Variants in CBFA2T3 observed in about 807,000 individuals in gnomAD.
CBFA2T3 encodes the protein CBFA2/RUNX1 partner transcriptional co-repressor 3.
In CBFA2T3, 31 loss-of-function variants were observed where a neutral mutation model predicts 58.6. The observed-to-expected ratio is 0.53, with a 90% confidence interval of 0.40 to 0.71. The LOEUF (loss-of-function observed/expected upper bound fraction) is 0.71, where lower values mean the gene tolerates loss of function less well. CBFA2T3 is among the 30% of genes least tolerant of loss of function. CBFA2T3 has a pLI of 0.00. For synonymous variants in CBFA2T3, 531 were observed against 421.9 expected, an observed-to-expected ratio of 1.26 and a Z score of -3.17; for missense variants, 1,076 against 963.1, an observed-to-expected ratio of 1.12 and a Z score of -1.55.
Position 88,875,262 on chromosome 16 carries a change from C to T in CBFA2T3, c.*1714G>A, listed in dbSNP as rs532936194. 1.5e-4 allele frequency: 26 copies of T among 169,982 alleles called. No individual in the cohort carries two copies. Among genetic ancestry groups the T allele is most frequent in the South Asian group, 2.2e-4 (1 of 4,458 alleles). 10.5% of individuals were successfully genotyped at this position (169,982 alleles called of 1,614,324 possible). ...CGTGCCTGCTGTCTGTCCTTGTACT[C>T]GGTGCAAGCATGAATTTCTTTATCC... On this transcript the variant is annotated 3_prime_UTR_variant, in exon 12 of 12. Coordinates refer to ENST00000268679, the MANE Select transcript of CBFA2T3 (RefSeq NM_005187.6).
At chr16:88,924,684 C>T (rs1229099794) in intron 1 of CBFA2T3, among the ~76,000 whole-genome samples, 7 of 152,234 alleles carry the variant, frequency 4.6e-5, no homozygotes, top group East Asian at 1.9e-4. Context: ...AGGTCACTCT[C>T]GTCAGACAGC....
chr16:88,894,792 G>A (rs959159957), intron 3 of CBFA2T3, among the ~76,000 whole-genome samples: 4 of 152,266 alleles, frequency 2.6e-5, no homozygotes, highest in East Asian at 3.8e-4. Context: ...GGCCCCAGCC[G>A]TGTGTTCGCA....
At chr16:88,935,031 T>C (rs1452614326) in intron 1 of CBFA2T3, among the ~76,000 whole-genome samples, 2 of 152,064 alleles carry the variant, frequency 1.3e-5, no homozygotes, top group African/African-American at 2.4e-5. Context: ...TAAGCCACCG[T>C]GCCTGGCCAG....
Position 88,883,110 on chromosome 16 carries a change from G to A in CBFA2T3, c.1118-349C>T, listed in dbSNP as rs1279664697. On this transcript the variant is annotated intron_variant, in intron 7 of 11. Coordinates refer to ENST00000268679, the MANE Select transcript of CBFA2T3 (RefSeq NM_005187.6). ...GCGGTGGGGGTGGGGTGTGGACCGA[G>A]GCTGGCTGGAGCTGGAGCAGTGTCC... Among the ~76,000 whole-genome samples, 4 of 152,350 alleles carry A rather than the reference G, an allele frequency of 2.6e-5. No homozygotes were observed. In the East Asian group the frequency reaches 5.8e-4, roughly 22 times the overall value.
chr16:88,906,646 C>T (rs141985035), intron 1 of CBFA2T3, among the ~76,000 whole-genome samples: 1,904 of 152,324 alleles, frequency 0.012, 7 homozygotes, highest in East Asian at 0.021. Context: ...GCTAATGTCA[C>T]GGAGGAACCT....
At position 88,950,384 on chromosome 16, in the gene CBFA2T3, C is replaced by T. The variant is rs1245447441; in HGVS notation, c.151+26273G>A. On this transcript the variant is annotated intron_variant, in intron 1 of 11. Transcript: ENST00000268679. ...AGAGGGTCAGAGTGTTGGCACCTGTCTTCCGGGTCAGTTCACCCGTCCCCT... is the reference window on the plus strand; with the variant it reads ...AGAGGGTCAGAGTGTTGGCACCTGTTTTCCGGGTCAGTTCACCCGTCCCCT... 16 of 425,746 alleles carry T rather than the reference C, an allele frequency of 3.8e-5. 2 individuals carry two copies. Among genetic ancestry groups the T allele is most frequent in the Middle Eastern group, 3.5e-4 (1 of 2,880 alleles). 26.4% of individuals were successfully genotyped at this position (425,746 alleles called of 1,614,324 possible). A position where few individuals can be genotyped will look rare whatever the true frequency, so the allele number is the denominator to read the frequency against.
chr16:88,954,577 G>A (rs1365735607), intron 1 of CBFA2T3, among the ~76,000 whole-genome samples: 1 of 60,014 alleles, frequency 1.7e-5, no homozygotes, highest in Non-Finnish European at 3.5e-5. Context: ...CCTACCCAAG[G>A]CTCCTGACCC....
intron 1 of CBFA2T3, among the ~76,000 whole-genome samples, chr16:88,966,795 G>A (rs933938057): frequency 1.3e-5 from 2 of 152,196 alleles, no homozygotes; most frequent in African/African-American, 2.4e-5. Flanking sequence ...TGCCTGGCTT[G>A]CAGAGCCACC....
Position 88,975,211 on chromosome 16 carries a change from C to CT in CBFA2T3, c.151+1445_151+1446insA, listed in dbSNP as rs1567644090. Among the ~76,000 whole-genome samples the CT allele has an allele frequency of 1.4e-3, 141 of 98,354 alleles. 1 individual carries two copies. The highest frequency in any genetic ancestry group is 3.1e-3 in the East Asian group (10 of 3,278). The allele number at this position is 98,354 out of a possible 152,430, so 64.5% of individuals were successfully genotyped here. A position where few individuals can be genotyped will look rare whatever the true frequency, so the allele number is the denominator to read the frequency against. ...AGCCATGTCAGAGGTCCACCCTGAC[C>CT]CTCTGCTCCTCACCTGCAGCCATGT... On this transcript the variant is annotated intron_variant, in intron 1 of 11. Transcript: ENST00000268679.
At chr16:88,952,067 C>T (rs918247580) in intron 1 of CBFA2T3, among the ~76,000 whole-genome samples, 1 of 152,220 alleles carries the variant, frequency 6.6e-6, no homozygotes, top group Admixed American at 6.5e-5. Context: ...GCCCCAGGAG[C>T]CTGTGAGATC....
At chr16:88,921,747 C>T (rs989247672) in intron 1 of CBFA2T3, among the ~76,000 whole-genome samples, 1 of 152,254 alleles carries the variant, frequency 6.6e-6, no homozygotes, top group African/African-American at 2.4e-5. Context: ...GCCGTACATC[C>T]GCGGTGCCGG....
chr16:88,881,625 G>A lies in CBFA2T3; in HGVS notation c.1204-136C>T, dbSNP rs1412575920. 4 of 845,724 alleles carry A rather than the reference G, an allele frequency of 4.7e-6. No individual in the cohort carries two copies. In the African/African-American group the frequency reaches 5.2e-5, roughly 11 times the overall value. The allele number at this position is 845,724 out of a possible 1,614,324, so 52.4% of individuals were successfully genotyped here. ...ACCGCCCGTGAGAGTAAGGGGGTGA[G>A]GGAGGGCCCACCTCCATGGCTTGCA... On this transcript the variant is annotated intron_variant, in intron 8 of 11. Coordinates refer to ENST00000268679, the MANE Select transcript of CBFA2T3 (RefSeq NM_005187.6).
chr16:88,916,978 G>A (rs560270643), intron 1 of CBFA2T3, among the ~76,000 whole-genome samples: 1 of 151,794 alleles, frequency 6.6e-6, no homozygotes, highest in East Asian at 1.9e-4. Context: ...GGAGGCTGAG[G>A]CAGGAGATTC....
chr16:88,885,598 G>A lies in CBFA2T3; in HGVS notation c.894-329C>T. ...GTAACTGGAGACCACCTGCCCCTTG[G>A]GCAGCAGCAGCACAAGAGCGTCTGG... is the stretch of plus-strand genomic sequence containing the variant. On this transcript the variant is annotated intron_variant, in intron 6 of 11. Coordinates refer to ENST00000268679, the MANE Select transcript of CBFA2T3 (RefSeq NM_005187.6). This position sits in a 1 kb window ranked among gnomAD's most constrained non-coding sequence, Gnocchi z 5.3. 3 of 406,340 alleles carry A rather than the reference G, an allele frequency of 7.4e-6. No homozygotes were observed. 25.2% of individuals were successfully genotyped at this position (406,340 alleles called of 1,614,324 possible).
intron 1 of CBFA2T3, among the ~76,000 whole-genome samples, chr16:88,952,192 C>T (rs1972091153): frequency 6.6e-6 from 1 of 152,208 alleles, no homozygotes; most frequent in African/African-American, 2.4e-5. Flanking sequence ...CCTGGCCAGG[C>T]CCCAGGGTGG....
At chr16:88,900,796 C>T (rs376665690) in intron 2 of CBFA2T3, among the ~76,000 whole-genome samples, 1 of 152,240 alleles carries the variant, frequency 6.6e-6, no homozygotes, top group East Asian at 1.9e-4. Context: ...CAAGGCTCTG[C>T]GGGTGACTGT....
At position 88,885,867 on chromosome 16, in the gene CBFA2T3, C is replaced by T. The variant is rs552193635; in HGVS notation, c.893+94G>A. Reference sequence around the variant, plus strand: ...AGAGAGCCGGCCGGGCTGGCTGCAGCCCCAGAGGAGGTTCCCTCTCTTACC... The same window carrying T: ...AGAGAGCCGGCCGGGCTGGCTGCAGTCCCAGAGGAGGTTCCCTCTCTTACC... On this transcript the variant is annotated intron_variant, in intron 6 of 11. Coordinates refer to ENST00000268679, the MANE Select transcript of CBFA2T3 (RefSeq NM_005187.6). This position sits in a 1 kb window ranked among gnomAD's most constrained non-coding sequence, Gnocchi z 5.3. 7.8e-6 allele frequency: 9 copies of T among 1,159,814 alleles called. No individual in the cohort carries two copies. The highest frequency in any genetic ancestry group is 1.5e-5 in the African/African-American group (1 of 64,890). 71.8% of individuals were successfully genotyped at this position (1,159,814 alleles called of 1,614,324 possible).
intron 1 of CBFA2T3, 68 bp from the exon 2 acceptor site, chr16:88,901,724 C>T: frequency 7.1e-7 from 1 of 1,409,626 alleles, no homozygotes; most frequent in African/African-American, 1.5e-5. Flanking sequence ...CCCGCAGCCC[C>T]ACGGTTCCCA....
rs537380285 is a variant in CBFA2T3, at chr16:88,892,692, C to T, written c.380-207G>A. 5.3e-5 allele frequency among the ~76,000 whole-genome samples: 8 copies of T among 152,342 alleles called. No individual in the cohort carries two copies. In the South Asian group the frequency reaches 1.4e-3, roughly 28 times the overall value. On this transcript the variant is annotated intron_variant, in intron 3 of 11. Coordinates refer to ENST00000268679, the MANE Select transcript of CBFA2T3 (RefSeq NM_005187.6). ...CTGAGCTGGCCCTTAGCATGCTGACCATCTGTCCTTCCGGCCCTGCTCTGA... is the reference window on the plus strand; with the variant it reads ...CTGAGCTGGCCCTTAGCATGCTGACTATCTGTCCTTCCGGCCCTGCTCTGA...
Sources: allele counts gnomAD v4.1 joint callset (sites outside exome capture counted in the v4.1 genomes callset), GRCh38; gene constraint gnomAD v4.1.1; non-coding constraint Gnocchi (gnomAD v3.1); transcripts MANE v1.5; gene names NCBI Gene and HGNC (gene_info 2026-07-23, HGNC 2026-07-21).